Variants in PTPRD observed in about 807,000 individuals in gnomAD.
PTPRD encodes the protein protein tyrosine phosphatase receptor type D, also known as receptor-type tyrosine-protein phosphatase delta.
PTPRD carries 34 observed loss-of-function variants against 214.5 expected under a neutral mutation model. The ratio of observed to expected loss-of-function variants is 0.16; its 90% CI spans 0.12 to 0.21. The LOEUF (loss-of-function observed/expected upper bound fraction) is 0.21. Ranked by LOEUF, PTPRD falls within the 10% of genes least tolerant of loss-of-function variation. The pLI is 1.00. For synonymous variants in PTPRD, 1,128 were observed against 845.7 expected (o/e 1.33, Z -5.79); for missense variants, 2,545 against 2,398.7 (o/e 1.06, Z -1.27).
intron 10 of PTPRD, among the ~76,000 whole-genome samples, chr9:9,031,589 C>T (rs1306429524): frequency 6.6e-6 from 1 of 151,898 alleles, no homozygotes; most frequent in Non-Finnish European, 1.5e-5. Context: ...ATTTTCAGCT[C>T]TATTATAATC....
chr9:9,475,624 T>G (rs986463164), intron 8 of PTPRD, among the ~76,000 whole-genome samples: 8 of 152,178 alleles, frequency 5.3e-5, no homozygotes, highest in Admixed American at 4.6e-4. Flanking sequence ...AGACAGTGTC[T>G]TACGAAATGG....
At chr9:8,672,644 T>C (rs978720498) in intron 12 of PTPRD, among the ~76,000 whole-genome samples, 1 of 152,118 alleles carries the variant, frequency 6.6e-6, no homozygotes, top group South Asian at 2.1e-4. Flanking sequence ...TCTCCAGTTA[T>C]TAAATACTCT....
chr9:9,177,176 C>G (rs2099925404), intron 10 of PTPRD, among the ~76,000 whole-genome samples: 1 of 152,018 alleles, frequency 6.6e-6, no homozygotes, highest in African/African-American at 2.4e-5. Flanking sequence ...CTTCCCAAGG[C>G]AGCAGGAAGG....
intron 9 of PTPRD, among the ~76,000 whole-genome samples, chr9:9,233,357 A>G (rs559359764): frequency 6.6e-6 from 1 of 152,162 alleles, no homozygotes; most frequent in Admixed American, 6.5e-5. Flanking sequence ...TTACCTCCCA[A>G]CAGGTCCCTT....
chr9:9,284,207 G>T (rs1948666546), intron 9 of PTPRD, among the ~76,000 whole-genome samples: 1 of 151,494 alleles, frequency 6.6e-6, no homozygotes, highest in African/African-American at 2.4e-5. Flanking sequence ...AATTCCTCTT[G>T]TTCCCTACAG....
chr9:8,485,163 T>A, intron 29 of PTPRD, 64 bp downstream of exon 29: 1 of 1,389,690 alleles, frequency 7.2e-7, no homozygotes, highest in Non-Finnish European at 1.0e-6. Flanking sequence ...GCAAATAACT[T>A]ACCCAGATAA....
intron 11 of PTPRD, chr9:8,862,005 T>TTAAG (rs1211172650): frequency 1.3e-5 from 2 of 152,160 alleles, no homozygotes; most frequent in Non-Finnish European, 1.5e-5. Flanking sequence ...TTTTTCAAAT[T>TTAAG]TAAGTTATAC....
intron 14 of PTPRD, among the ~76,000 whole-genome samples, chr9:8,538,791 C>T (rs1237485496): frequency 6.6e-6 from 1 of 151,844 alleles, no homozygotes; most frequent in African/African-American, 2.4e-5. Context: ...AGCAGTAATA[C>T]CCAGTAGCAA....
intron 9 of PTPRD, among the ~76,000 whole-genome samples, chr9:9,306,593 A>T (rs1008965253): frequency 6.8e-6 from 1 of 147,238 alleles, no homozygotes. Context: ...AAAAAAATCC[A>T]TCTTTTCTTT....
intron 8 of PTPRD, among the ~76,000 whole-genome samples, chr9:9,412,744 TC>T (rs898215644): frequency 1.3e-5 from 2 of 152,076 alleles, no homozygotes; most frequent in African/African-American, 4.8e-5. Context: ...TCATGCGCCA[TC>T]CCCCAAAAGA....
At chr9:9,814,297 T>C (rs142868024) in intron 5 of PTPRD, among the ~76,000 whole-genome samples, 1 of 108,948 alleles carries the variant, frequency 9.2e-6, no homozygotes, top group African/African-American at 5.3e-5. Context: ...CCTGAGCAAT[T>C]AGGTAAGAAA....
At chr9:8,826,192 G>A (rs1354470043) in intron 11 of PTPRD, among the ~76,000 whole-genome samples, 1 of 146,198 alleles carries the variant, frequency 6.8e-6, no homozygotes, top group Non-Finnish European at 1.5e-5. Context: ...TGTAGTCATT[G>A]CCACCACCAT....
At chr9:10,252,690 T>A (rs1291679379) in intron 3 of PTPRD, among the ~76,000 whole-genome samples, 1 of 152,242 alleles carries the variant, frequency 6.6e-6, no homozygotes, top group African/African-American at 2.4e-5. Context: ...CACCAAGATT[T>A]CTTTTTCATT....
rs2139466967 is a variant in PTPRD at position 8,528,674 on chromosome 9, G to A, written c.458C>T (p.Pro153Leu). The A allele has an allele frequency of 1.9e-6, 3 of 1,613,678 alleles. No homozygotes were observed. Among genetic ancestry groups the A allele is most frequent in the Non-Finnish European group, 2.5e-6 (3 of 1,179,764 alleles). Residue 153 changes from proline (P) to leucine (L), a missense_variant, in exon 15 of 46, where the codon CCG becomes CTG. Transcript: ENST00000381196. The part of the protein sequence containing the change: ...ATMLCAASGN[P>L]DPEITWFKDF... ...TTTAAACCAAGTGATTTCTGGATCC[G>A]GATTACCACTGGCTGCACAAAGCAT...
intron 14 of PTPRD, among the ~76,000 whole-genome samples, chr9:8,616,805 G>C (rs959556811): frequency 1.3e-5 from 2 of 152,102 alleles, no homozygotes; most frequent in Non-Finnish European, 2.9e-5. Flanking sequence ...TTTTGGATGT[G>C]ATTTACTCTG....
At chr9:9,596,822 G>A (rs998551317) in intron 7 of PTPRD, among the ~76,000 whole-genome samples, 2 of 151,902 alleles carry the variant, frequency 1.3e-5, no homozygotes, top group African/African-American at 4.8e-5. Flanking sequence ...AACACAATCT[G>A]CCCTCAACTT....
intron 2 of PTPRD, among the ~76,000 whole-genome samples, chr9:10,513,854 C>T (rs576693513): frequency 6.6e-6 from 1 of 152,206 alleles, no homozygotes; most frequent in East Asian, 1.9e-4. Context: ...TCAGCATAAC[C>T]TAGGCCTCCT....
intron 5 of PTPRD, among the ~76,000 whole-genome samples, chr9:9,794,738 T>C (rs1283644033): frequency 1.3e-5 from 2 of 152,192 alleles, no homozygotes; most frequent in Non-Finnish European, 2.9e-5. Flanking sequence ...AAGATAAATA[T>C]TCTGTCTGGA....
chr9:9,476,390 AAT>A (rs1322888530), intron 8 of PTPRD, among the ~76,000 whole-genome samples: 4 of 152,236 alleles, frequency 2.6e-5, no homozygotes, highest in Non-Finnish European at 5.9e-5. Flanking sequence ...ATATATAAGG[AAT>A]ATATAAACAA....
Sources: allele counts gnomAD v4.1 joint callset (sites outside exome capture counted in the v4.1 genomes callset), GRCh38; gene constraint gnomAD v4.1.1; transcripts MANE v1.5; gene names NCBI Gene and HGNC (gene_info 2026-07-23, HGNC 2026-07-21).